ELFN1: variants seen among roughly 807,000 people sequenced by gnomAD.
ELFN1 encodes protein ELFN1.
ELFN1 carries 6 observed loss-of-function variants against 7.6 expected under a neutral mutation model. That is an observed-to-expected ratio of 0.79 (90% CI 0.43 to 1.56). The LOEUF is 1.56. Ranked by LOEUF, ELFN1 falls within the 40% of genes most tolerant of loss-of-function variation. The pLI, the probability that ELFN1 is intolerant of heterozygous loss-of-function variation, is 0.01. For missense variants in ELFN1, 1,169 were observed against 1,232.2 expected (o/e 0.95, Z 0.77); for synonymous variants, 657 against 588.1 (o/e 1.12, Z -1.70).
chr7:1,699,332 G>A (rs1009981695), intron 2 of ELFN1, among the ~76,000 whole-genome samples: 19 of 152,122 alleles, frequency 1.2e-4, no homozygotes, highest in African/African-American at 4.6e-4. Flanking sequence ...ATCATTCACT[G>A]ACCTCCAGCA....
At chr7:1,668,119 AC>A (rs1349768871), upstream of ELFN1, among the ~76,000 whole-genome samples, 5 of 151,722 alleles carry the variant, frequency 3.3e-5, no homozygotes, top group Admixed American at 2.6e-4. Context: ...CCGCGCGCGT[AC>A]CCCTACCCGC....
At chr7:1,728,086 A>C (rs1026483902) in intron 3 of ELFN1, among the ~76,000 whole-genome samples, 2 of 152,068 alleles carry the variant, frequency 1.3e-5, no homozygotes, top group Non-Finnish European at 2.9e-5. Context: ...TGGATCCCAG[A>C]CCTTCCTGCT....
upstream of ELFN1, among the ~76,000 whole-genome samples, chr7:1,667,274 G>T (rs555473634): frequency 1.1e-4 from 16 of 152,220 alleles, no homozygotes; most frequent in Admixed American, 9.2e-4. The surrounding 1 kb of genome is among the most constrained non-coding windows in gnomAD (Gnocchi z 8.2). Flanking sequence ...GCTGCCCAGG[G>T]AGGAGCAGGG....
intron 3 of ELFN1, among the ~76,000 whole-genome samples, chr7:1,711,878 G>A (rs943631148): frequency 2.0e-5 from 3 of 152,314 alleles, no homozygotes; most frequent in Admixed American, 1.3e-4. Flanking sequence ...GCGGCAGCTC[G>A]GACCGTGCCA....
chr7:1,669,293 G>A (rs1194901046), upstream of ELFN1, among the ~76,000 whole-genome samples: 1 of 152,220 alleles, frequency 6.6e-6, no homozygotes, highest in East Asian at 1.9e-4. Flanking sequence ...AGCGGAGAGC[G>A]TGCCGGGGGT....
rs1466827968 is a variant in ELFN1 at position 1,740,418 on chromosome 7, TGCCA to T, written c.-293-3884_-293-3881del. ...GCGGGGTCTCCGCACCTGCCCTCCG[TGCCA>T]GACAGCACTCCTTTCTAGAAATGTT... On this transcript the variant is annotated intron_variant, in intron 3 of 3. Transcript: ENST00000424383. The surrounding 1 kb of genome is among the most constrained non-coding windows in gnomAD (Gnocchi z 5.0). 6.6e-6 allele frequency among the ~76,000 whole-genome samples: 1 copy of T among 152,236 alleles called. No homozygotes were observed. The highest frequency in any genetic ancestry group is 2.4e-5 in the African/African-American group (1 of 41,470).
At chr7:1,730,540 A>C (rs1780305566) in intron 3 of ELFN1, among the ~76,000 whole-genome samples, 1 of 152,252 alleles carries the variant, frequency 6.6e-6, no homozygotes. Flanking sequence ...ATATTAGATA[A>C]ATCTATTAAT....
chr7:1,688,629 T>A (rs1006935795), intron 2 of ELFN1, among the ~76,000 whole-genome samples: 4 of 152,252 alleles, frequency 2.6e-5, no homozygotes, highest in Non-Finnish European at 4.4e-5. Flanking sequence ...TAAAATTAAA[T>A]TTTCTATTTT....
chr7:1,686,843 C>G (rs940132365), intron 1 of ELFN1, among the ~76,000 whole-genome samples: 1 of 152,154 alleles, frequency 6.6e-6, no homozygotes, highest in Non-Finnish European at 1.5e-5. Context: ...TCAGGTATCT[C>G]TATGACTGTC....
At chr7:1,725,452 G>A (rs1002805968) in intron 3 of ELFN1, among the ~76,000 whole-genome samples, 1 of 152,006 alleles carries the variant, frequency 6.6e-6, no homozygotes, top group African/African-American at 2.4e-5. Context: ...GAGACAGACG[G>A]GAGGGAGGGA....
upstream of ELFN1, among the ~76,000 whole-genome samples, chr7:1,666,958 C>T (rs901082175): frequency 8.6e-5 from 13 of 151,886 alleles, no homozygotes; most frequent in Admixed American, 7.9e-4. The surrounding 1 kb of genome is among the most constrained non-coding windows in gnomAD (Gnocchi z 7.9). Context: ...CCTAGCCTCT[C>T]CCGGTCCGGG....
chr7:1,712,867 C>T (rs1179434665), intron 3 of ELFN1, among the ~76,000 whole-genome samples: 1 of 152,180 alleles, frequency 6.6e-6, no homozygotes, highest in Non-Finnish European at 1.5e-5. Flanking sequence ...AAGTCCCTGC[C>T]CACATTTTAT....
intron 2 of ELFN1, among the ~76,000 whole-genome samples, chr7:1,706,936 G>T (rs1779544216): frequency 6.6e-6 from 1 of 152,256 alleles, no homozygotes; most frequent in South Asian, 2.1e-4. Flanking sequence ...CGATGGGTGT[G>T]CCTGTGTCAT....
At chr7:1,672,750 C>A (rs1241678279) in intron 1 of ELFN1, among the ~76,000 whole-genome samples, 1 of 151,982 alleles carries the variant, frequency 6.6e-6, no homozygotes, top group Non-Finnish European at 1.5e-5. Flanking sequence ...CAAGCCAATT[C>A]CCCATTTTGG....
chr7:1,706,020 C>T (rs929506587), intron 2 of ELFN1, among the ~76,000 whole-genome samples: 6 of 152,178 alleles, frequency 3.9e-5, no homozygotes, highest in Non-Finnish European at 8.8e-5. Context: ...AGGGGCTTGT[C>T]CAGGTCACGG....
intron 3 of ELFN1, among the ~76,000 whole-genome samples, chr7:1,737,243 T>G (rs998153025): frequency 7.9e-5 from 12 of 152,080 alleles, no homozygotes; most frequent in African/African-American, 2.9e-4. Context: ...CAGCCAAGCC[T>G]CCTCTTTCCC....
At chr7:1,726,448 C>T (rs1299001530) in intron 3 of ELFN1, among the ~76,000 whole-genome samples, 1 of 152,212 alleles carries the variant, frequency 6.6e-6, no homozygotes, top group African/African-American at 2.4e-5. Flanking sequence ...GCACGCTCAG[C>T]CCAACACCAC....
intron 1 of ELFN1, among the ~76,000 whole-genome samples, chr7:1,682,807 A>G (rs1439202715): frequency 6.6e-6 from 1 of 152,188 alleles, no homozygotes; most frequent in Non-Finnish European, 1.5e-5. Context: ...GAGGAAAAGC[A>G]TTCAGTCTTT....
chr7:1,711,620 G>C (rs13310372), intron 3 of ELFN1, among the ~76,000 whole-genome samples: 1 of 137,592 alleles, frequency 7.3e-6, no homozygotes, highest in Admixed American at 7.3e-5. Flanking sequence ...GAGAGAGAGA[G>C]AGAGAGAATG....
Sources: gnomAD v4.1 joint callset for allele counts (sites outside exome capture counted in the v4.1 genomes callset) on GRCh38, gnomAD v4.1.1 for gene constraint, Gnocchi (gnomAD v3.1) non-coding constraint, MANE v1.5 for transcripts, NCBI Gene and HGNC (gene_info 2026-07-23, HGNC 2026-07-21) for gene names.